PTPRD: variants seen among roughly 807,000 people sequenced by gnomAD.
PTPRD encodes protein tyrosine phosphatase receptor type D.
A neutral mutation model predicts 214.5 loss-of-function variants in PTPRD; 34 were observed. That is an observed-to-expected ratio of 0.16 (90% CI 0.12 to 0.21). The LOEUF (loss-of-function observed/expected upper bound fraction) is 0.21. PTPRD is among the 10% of genes least tolerant of loss of function. The probability of loss-of-function intolerance (pLI) is 1.00; values close to 1 mark genes in which losing one functional copy is unlikely to be tolerated. For synonymous variants in PTPRD, 1,128 were observed against 845.7 expected, an observed-to-expected ratio of 1.33 and a Z score of -5.79; for missense variants, 2,545 against 2,398.7, an observed-to-expected ratio of 1.06 and a Z score of -1.27.
intron 3 of PTPRD, among the ~76,000 whole-genome samples, chr9:10,145,008 C>G (rs553409212): frequency 6.6e-6 from 1 of 151,840 alleles, no homozygotes; most frequent in African/African-American, 2.4e-5. Flanking sequence ...CCTCCTTTAT[C>G]AGGAAAAAAA....
intron 14 of PTPRD, among the ~76,000 whole-genome samples, chr9:8,560,483 T>A (rs1222140102): frequency 1.4e-5 from 2 of 145,884 alleles, no homozygotes; most frequent in African/African-American, 5.5e-5. Context: ...ATATATACAC[T>A]GTTTCATTGT....
At chr9:9,713,979 G>C (rs1353229325) in intron 7 of PTPRD, among the ~76,000 whole-genome samples, 1 of 151,180 alleles carries the variant, frequency 6.6e-6, no homozygotes, top group Non-Finnish European at 1.5e-5. Context: ...ACACCAGCAA[G>C]CTGGTTTTTA....
chr9:9,948,182 C>T (rs12340165), intron 4 of PTPRD, among the ~76,000 whole-genome samples: 5,835 of 152,096 alleles, frequency 0.038, 136 homozygotes, highest in Non-Finnish European at 0.056. Context: ...TCAAAGTCAC[C>T]TTCCTTGTGA....
chr9:9,293,552 A>G (rs1951939692), intron 9 of PTPRD, among the ~76,000 whole-genome samples: 1 of 151,610 alleles, frequency 6.6e-6, no homozygotes, highest in Non-Finnish European at 1.5e-5. Context: ...ACCACATATG[A>G]AAGTTGAATG....
At chr9:9,612,126 G>C (rs1399052236) in intron 7 of PTPRD, among the ~76,000 whole-genome samples, 1 of 151,880 alleles carries the variant, frequency 6.6e-6, no homozygotes, top group Non-Finnish European at 1.5e-5. Flanking sequence ...ATAGAAAATT[G>C]TGTAATAAAA....
chr9:9,110,064 C>A (rs908496632), intron 10 of PTPRD, among the ~76,000 whole-genome samples: 2 of 152,076 alleles, frequency 1.3e-5, no homozygotes, highest in African/African-American at 2.4e-5. Context: ...GGAATGACTT[C>A]ATGGCTCCTT....
chr9:9,387,493 A>C (rs2064264498), intron 9 of PTPRD, among the ~76,000 whole-genome samples: 2 of 152,192 alleles, frequency 1.3e-5, no homozygotes, highest in Middle Eastern at 3.4e-3. Context: ...TTTTTATTTC[A>C]ACCTTATTTT....
chr9:8,773,589 G>A (rs2095331362), intron 11 of PTPRD, among the ~76,000 whole-genome samples: 1 of 152,132 alleles, frequency 6.6e-6, no homozygotes, highest in Non-Finnish European at 1.5e-5. Flanking sequence ...CAAAGCTGAA[G>A]TCAGAATTAT....
At chr9:9,814,205 A>C (rs148674577) in intron 5 of PTPRD, among the ~76,000 whole-genome samples, 1,664 of 152,182 alleles carry the variant, frequency 0.011, 36 homozygotes, top group African/African-American at 0.038. Flanking sequence ...AATGATGAAA[A>C]GTTGAAAGGT....
At chr9:9,261,665 T>TGG in intron 9 of PTPRD, among the ~76,000 whole-genome samples, 1 of 151,696 alleles carries the variant, frequency 6.6e-6, no homozygotes, top group South Asian at 2.1e-4. Context: ...TGTGTGTGTG[T>TGG]GTGTGTGTGT....
intron 8 of PTPRD, among the ~76,000 whole-genome samples, chr9:9,544,204 C>G (rs114366646): frequency 0.013 from 1,959 of 151,506 alleles, 46 homozygotes; most frequent in African/African-American, 0.044. Context: ...TGGATTTTAC[C>G]ATTTCTCCCT....
intron 12 of PTPRD, among the ~76,000 whole-genome samples, chr9:8,670,555 A>T (rs559956188): frequency 1.3e-5 from 2 of 152,312 alleles, no homozygotes; most frequent in East Asian, 3.9e-4. Context: ...AACAGTAACC[A>T]CTATGCTATC....
At chr9:8,391,012 G>GT (rs1451460431) in intron 36 of PTPRD, among the ~76,000 whole-genome samples, 1 of 152,166 alleles carries the variant, frequency 6.6e-6, no homozygotes, top group Non-Finnish European at 1.5e-5. Flanking sequence ...AAGGTCATGA[G>GT]TTGGCTATCT....
At chr9:9,463,576 A>G (rs147913994) in intron 8 of PTPRD, among the ~76,000 whole-genome samples, 1 of 152,270 alleles carries the variant, frequency 6.6e-6, no homozygotes, top group East Asian at 1.9e-4. Flanking sequence ...TTAATTTCTA[A>G]GACTGAAAAA....
At chr9:8,762,438 A>T (rs1014806876) in intron 11 of PTPRD, among the ~76,000 whole-genome samples, 2 of 152,160 alleles carry the variant, frequency 1.3e-5, no homozygotes, top group Admixed American at 1.3e-4. Context: ...ATCAAATAAT[A>T]ATAAATAATG....
intron 34 of PTPRD, among the ~76,000 whole-genome samples, chr9:8,442,213 T>C (rs1039107599): frequency 3.9e-5 from 6 of 152,250 alleles, no homozygotes; most frequent in Admixed American, 6.5e-5. Context: ...GAATATTTCT[T>C]AGAAGCTAAT....
In PTPRD at chr9:9,925,628, A is replaced by T. The variant is rs12554160; in HGVS notation, c.-368+12879T>A. On this transcript the variant is annotated intron_variant, in intron 5 of 45. Coordinates refer to ENST00000381196, the MANE Select transcript of PTPRD (RefSeq NM_002839.4). ...CAGCATTCAGATGACAAAATTTTTT[A>T]AAAAAAACTCTTCTACCTTACCTAC... 4.1e-3 allele frequency among the ~76,000 whole-genome samples: 582 copies of T among 140,462 alleles called. 3 individuals carry two copies. The highest frequency in any genetic ancestry group is 8.0e-3 in the African/African-American group (324 of 40,750). 92.1% of individuals were successfully genotyped at this position (140,462 alleles called of 152,430 possible).
intron 11 of PTPRD, among the ~76,000 whole-genome samples, chr9:8,889,790 T>G (rs1466315620): frequency 2.0e-5 from 3 of 152,254 alleles, no homozygotes; most frequent in Non-Finnish European, 4.4e-5. Context: ...ATGTCATTAT[T>G]TCATTTGTTT....
intron 4 of PTPRD, among the ~76,000 whole-genome samples, chr9:9,959,379 T>C (rs945613610): frequency 6.6e-6 from 1 of 152,146 alleles, no homozygotes; most frequent in African/African-American, 2.4e-5. Context: ...AGAGGACTTT[T>C]AGAACAGCAA....
Sources: allele counts gnomAD v4.1 joint callset (sites outside exome capture counted in the v4.1 genomes callset), GRCh38; gene constraint gnomAD v4.1.1; transcripts MANE v1.5; gene names NCBI Gene and HGNC (gene_info 2026-07-23, HGNC 2026-07-21).